The following SORCS1 variants were observed in gnomAD, a reference collection of about 807,000 sequenced individuals.
The protein encoded by SORCS1 is sortilin related VPS10 domain containing receptor 1.
A neutral mutation model predicts 146.1 loss-of-function variants in SORCS1; 60 were observed. That is an observed-to-expected ratio of 0.41 (90% confidence interval 0.33 to 0.51). The LOEUF (loss-of-function observed/expected upper bound fraction) is 0.51, where lower values mean the gene tolerates loss of function less well. Ranked by LOEUF, SORCS1 falls within the 20% of genes least tolerant of loss-of-function variation. The pLI, the probability that SORCS1 is intolerant of heterozygous loss-of-function variation, is 0.21. For missense variants in SORCS1, 1,352 were observed against 1,487.6 expected, an observed-to-expected ratio of 0.91 and a Z score of 1.50; for synonymous variants, 637 against 584.0, an observed-to-expected ratio of 1.09 and a Z score of -1.31.
At chr10:106,879,205 C>T (rs894335103) in intron 2 of SORCS1, among the ~76,000 whole-genome samples, 19 of 151,484 alleles carry the variant, frequency 1.3e-4, no homozygotes, top group African/African-American at 3.9e-4. Flanking sequence ...GTGAGCATGC[C>T]GTTTAAGAAA....
At chr10:106,805,151 T>G (rs1947098496) in intron 3 of SORCS1, among the ~76,000 whole-genome samples, 1 of 152,228 alleles carries the variant, frequency 6.6e-6, no homozygotes, top group East Asian at 1.9e-4. Flanking sequence ...GTTCATTCAC[T>G]GTAATCACTT....
rs553032484 is a variant in SORCS1 at position 107,034,680 on chromosome 10, C to CAAAAAAAAAA, written c.559-78110_559-78101dup. ...GGGAAACATGAGCGAAACTCCATCT[C>CAAAAAAAAAA]AAAAAAAAAAAAAAAAAAAAAAAAA... On this transcript the variant is annotated intron_variant, in intron 1 of 25. Coordinates refer to ENST00000263054, the MANE Select transcript of SORCS1 (RefSeq NM_052918.5). Among the ~76,000 whole-genome samples the CAAAAAAAAAA allele has an allele frequency of 4.2e-3, 58 of 13,792 alleles. 6 individuals are homozygous for CAAAAAAAAAA. Among genetic ancestry groups the CAAAAAAAAAA allele is most frequent in the African/African-American group, 0.015 (55 of 3,714 alleles). 9.0% of individuals were successfully genotyped at this position (13,792 alleles called of 152,430 possible).
upstream of SORCS1, among the ~76,000 whole-genome samples, chr10:107,165,171 C>T (rs1316195603): frequency 6.6e-6 from 1 of 152,080 alleles, no homozygotes; most frequent in African/African-American, 2.4e-5. The surrounding 1 kb of genome is among the most constrained non-coding windows in gnomAD (Gnocchi z 4.0). Context: ...CCTTCCCTCT[C>T]TTATGCTTCC....
chr10:107,157,546 A>G (rs1463031411), intron 1 of SORCS1, among the ~76,000 whole-genome samples: 1 of 152,256 alleles, frequency 6.6e-6, no homozygotes, highest in Non-Finnish European at 1.5e-5. Flanking sequence ...AAAAAGGGCT[A>G]TAACTGATCT....
intron 3 of SORCS1, among the ~76,000 whole-genome samples, chr10:106,820,653 G>C (rs1947979111): frequency 6.6e-6 from 1 of 152,184 alleles, no homozygotes; most frequent in Non-Finnish European, 1.5e-5. Flanking sequence ...CTGATACATT[G>C]GAGTGAAACA....
At chr10:106,716,772 C>T (rs1397651831) in intron 6 of SORCS1, among the ~76,000 whole-genome samples, 1 of 152,154 alleles carries the variant, frequency 6.6e-6, no homozygotes, top group African/African-American at 2.4e-5. Context: ...CCAAAATAAC[C>T]AGAGCAACCT....
At chr10:107,109,789 A>G (rs1446249631) in intron 1 of SORCS1, among the ~76,000 whole-genome samples, 1 of 152,142 alleles carries the variant, frequency 6.6e-6, no homozygotes, top group African/African-American at 2.4e-5. Context: ...AAACTTTTAC[A>G]TTCTGTTTCC....
Position 106,825,784 on chromosome 10 carries a change from C to A in SORCS1, c.726+3790G>T, listed in dbSNP as rs189161980. On this transcript the variant is annotated intron_variant, in intron 3 of 25. Transcript: ENST00000263054. ...CCTCTGAGACATCGTGACAGATAGC[C>A]AGCCTGCCTCTCCTCTGGCACTGGG... is the stretch of plus-strand genomic sequence containing the variant. 2.6e-5 allele frequency among the ~76,000 whole-genome samples: 4 copies of A among 152,268 alleles called. No homozygotes were observed. The East Asian group carries it at 7.7e-4, about 29-fold the overall frequency.
chr10:106,760,702 C>T (rs1203506532), intron 5 of SORCS1, among the ~76,000 whole-genome samples: 1 of 120,936 alleles, frequency 8.3e-6, no homozygotes, highest in Non-Finnish European at 1.7e-5. Context: ...CAAACACACA[C>T]ACACACTAAC....
Position 106,717,399 on chromosome 10 carries a change from A to G in SORCS1, c.1025-8058T>C, listed in dbSNP as rs542809847. On this transcript the variant is annotated intron_variant, in intron 6 of 25. Transcript: ENST00000263054. The stretch of plus-strand genomic sequence containing the variant: ...AGAAATTGAGAATGTCAAAAGTGAG[A>G]TTCTAGTCTTGGTTCCAGAAAGTCT... Among the ~76,000 whole-genome samples, 11 of 152,328 alleles carry G rather than the reference A, an allele frequency of 7.2e-5. No individual in the cohort carries two copies. In the South Asian group the frequency reaches 2.1e-3, roughly 29 times the overall value.
At chr10:106,924,142 T>A (rs1028563766) in intron 2 of SORCS1, among the ~76,000 whole-genome samples, 1 of 151,820 alleles carries the variant, frequency 6.6e-6, no homozygotes, top group East Asian at 1.9e-4. Context: ...TAATCCCAGC[T>A]ACTTGAGAGG....
chr10:106,604,645 A>C (rs1008820882), intron 23 of SORCS1, among the ~76,000 whole-genome samples: 25 of 152,244 alleles, frequency 1.6e-4, no homozygotes, highest in African/African-American at 5.8e-4. Flanking sequence ...TGCCATTCAG[A>C]TACATTCCTT....
chr10:107,033,576 C>T (rs1255518608), intron 1 of SORCS1, among the ~76,000 whole-genome samples: 1 of 152,166 alleles, frequency 6.6e-6, no homozygotes, highest in African/African-American at 2.4e-5. Flanking sequence ...AAAGTAAACA[C>T]CAATTTCTCT....
At chr10:107,018,672 A>C (rs1307521599) in intron 1 of SORCS1, among the ~76,000 whole-genome samples, 2 of 152,018 alleles carry the variant, frequency 1.3e-5, no homozygotes, top group Admixed American at 6.5e-5. Flanking sequence ...TAAAGAAGGA[A>C]AAAAATTAAA....
intron 4 of SORCS1, among the ~76,000 whole-genome samples, chr10:106,775,921 G>A (rs1169728199): frequency 6.6e-6 from 1 of 152,152 alleles, no homozygotes; most frequent in Non-Finnish European, 1.5e-5. Flanking sequence ...ATTATAGGAT[G>A]ACATTTTATG....
In SORCS1 at chr10:106,576,191, T is replaced by G. The variant is rs1564735532; in HGVS notation, c.*1229A>C. 6.6e-6 allele frequency: 1 copy of G among 152,302 alleles called. No homozygotes were observed. Among genetic ancestry groups the G allele is most frequent in the Non-Finnish European group, 1.5e-5 (1 of 68,094 alleles). The allele number at this position is 152,302 out of a possible 1,614,324, so 9.4% of individuals were successfully genotyped here. ...AGATACATGAAACTGAACCCTGCTG[T>G]GCAGGATGCAGCAAGGTCCATGGGC... On this transcript the variant is annotated 3_prime_UTR_variant, in exon 26 of 26. Transcript: ENST00000263054.
chr10:106,876,182 C>T (rs1242701571), intron 2 of SORCS1, among the ~76,000 whole-genome samples: 2 of 152,132 alleles, frequency 1.3e-5, no homozygotes, highest in Non-Finnish European at 2.9e-5. Flanking sequence ...TAAAGATACA[C>T]TGTAAGGAAT....
At chr10:107,071,109 T>C (rs1396199510) in intron 1 of SORCS1, among the ~76,000 whole-genome samples, 1 of 152,062 alleles carries the variant, frequency 6.6e-6, no homozygotes. Context: ...AGAGTCACAG[T>C]CCATATGCCT....
chr10:106,830,408 A>G (rs1948487774), intron 2 of SORCS1, among the ~76,000 whole-genome samples: 1 of 152,122 alleles, frequency 6.6e-6, no homozygotes, highest in Non-Finnish European at 1.5e-5. Context: ...CATGACAACT[A>G]TGTACAATAG....
Sources: allele counts gnomAD v4.1 joint callset (sites outside exome capture counted in the v4.1 genomes callset), GRCh38; gene constraint gnomAD v4.1.1; non-coding constraint Gnocchi (gnomAD v3.1); transcripts MANE v1.5; gene names NCBI Gene and HGNC (gene_info 2026-07-23, HGNC 2026-07-21).